PKHD1L1: variants seen among roughly 807,000 people sequenced by gnomAD.
PKHD1L1 encodes fibrocystin-L.
A neutral mutation model predicts 462.9 loss-of-function variants in PKHD1L1; 434 were observed. The ratio of observed to expected loss-of-function variants is 0.94; its 90% CI spans 0.87 to 1.02. The LOEUF (loss-of-function observed/expected upper bound fraction) is 1.02. Among genes scored for constraint, PKHD1L1 ranks in the 50% least tolerant of loss-of-function variants. PKHD1L1 has a pLI of 0.00. For synonymous variants in PKHD1L1, 1,781 were observed against 1,750.0 expected (o/e 1.02, Z -0.44); for missense variants, 5,202 against 5,096.1 (o/e 1.02, Z -0.63).
intron 20 of PKHD1L1, 49 bp downstream of exon 20, chr8:109,412,463 T>C (rs1287151427): frequency 6.7e-7 from 1 of 1,494,418 alleles, no homozygotes; most frequent in East Asian, 2.3e-5. Context: ...AATACCTTGG[T>C]AATAAAATTT....
intron 50 of PKHD1L1, chr8:109,470,805 T>G: frequency 2.0e-6 from 3 of 1,518,060 alleles, no homozygotes; most frequent in Non-Finnish European, 1.8e-6. Context: ...TAAGGAAGGA[T>G]GAACAAGTTG....
chr8:109,415,052 C>T (rs924479774), intron 21 of PKHD1L1, among the ~76,000 whole-genome samples: 1 of 151,344 alleles, frequency 6.6e-6, no homozygotes, highest in African/African-American at 2.4e-5. Context: ...GGCTGGAGTG[C>T]TGTGGGACCA....
At chr8:109,429,042 A>T (rs2130685509) in intron 25 of PKHD1L1, among the ~76,000 whole-genome samples, 1 of 152,250 alleles carries the variant, frequency 6.6e-6, no homozygotes. Context: ...AGTTTAGTAG[A>T]TTCATTTTTA....
At position 109,396,026 on chromosome 8, in the gene PKHD1L1, G is replaced by A; in HGVS notation, c.812-1G>A. The A allele has an allele frequency of 6.3e-7, 1 of 1,584,464 alleles. No individual in the cohort carries two copies. Among genetic ancestry groups the A allele is most frequent in the South Asian group, 1.2e-5 (1 of 86,894 alleles). ...TTTTATTTAATGTGGTTTTCCCCCA[G>A]AGGTCACCATGATTTTCCCTTCACA... On this transcript the variant is annotated splice_acceptor_variant, in intron 10 of 77. Coordinates refer to ENST00000378402, the MANE Select transcript of PKHD1L1 (RefSeq NM_177531.6). LOFTEE classifies it high-confidence loss of function.
chr8:109,433,672 T>C (rs779120628), intron 28 of PKHD1L1, among the ~76,000 whole-genome samples: 2 of 152,180 alleles, frequency 1.3e-5, no homozygotes, highest in Non-Finnish European at 2.9e-5. Flanking sequence ...ATCATTCAAA[T>C]TTTTTTAACA....
intron 58 of PKHD1L1, 130 bp from the exon 59 acceptor site, chr8:109,486,518 T>C (rs1027264955): frequency 1.5e-6 from 1 of 688,804 alleles, no homozygotes; most frequent in Non-Finnish European, 2.4e-6. Flanking sequence ...GTTTAACATG[T>C]AAATGTAATC....
chr8:109,457,322 G>T (rs1327713002), intron 46 of PKHD1L1, among the ~76,000 whole-genome samples: 1 of 152,036 alleles, frequency 6.6e-6, no homozygotes, highest in Non-Finnish European at 1.5e-5. Flanking sequence ...TTCTGCCCTT[G>T]GAAGAAATTT....
intron 29 of PKHD1L1, 107 bp from the exon 30 acceptor site, chr8:109,436,231 A>G: frequency 8.6e-7 from 1 of 1,163,692 alleles, no homozygotes; most frequent in South Asian, 1.5e-5. Context: ...CATCTCTTGG[A>G]TCATTAGACT....
intron 45 of PKHD1L1, 62 bp downstream of exon 45, chr8:109,454,914 ATTATCCTGTGATAATTATAAT>A (rs1816736321): frequency 1.3e-6 from 2 of 1,521,398 alleles, no homozygotes; most frequent in South Asian, 2.5e-5. Context: ...ACCAGGGATA[ATTATCCTGTGATAATTATAAT>A]TTATCCTGTG....
intron 77 of PKHD1L1, among the ~76,000 whole-genome samples, chr8:109,529,402 T>C (rs1351121292): frequency 6.6e-6 from 1 of 152,192 alleles, no homozygotes; most frequent in East Asian, 1.9e-4. Context: ...TATTTTATAA[T>C]AGGATGACAA....
At chr8:109,414,988 TATTATTATTA>T (rs1563751454) in intron 21 of PKHD1L1, among the ~76,000 whole-genome samples, 18 of 147,364 alleles carry the variant, frequency 1.2e-4, no homozygotes, top group Admixed American at 2.0e-4. Context: ...TTATTATTAT[TATTATTATTA>T]TTATTATTAT....
intron 70 of PKHD1L1, among the ~76,000 whole-genome samples, chr8:109,510,569 G>A (rs1819919043): frequency 6.6e-6 from 1 of 152,138 alleles, no homozygotes; most frequent in African/African-American, 2.4e-5. Context: ...GTGATAGGAA[G>A]AAGTTTCTTC....
chr8:109,535,966 AAAACAAAGG>A lies in PKHD1L1; in HGVS notation c.*5877_*5885del, dbSNP rs1821138372. 1.9e-5 allele frequency among the ~76,000 whole-genome samples: 2 copies of A among 103,788 alleles called. No individual in the cohort carries two copies. The highest frequency in any genetic ancestry group is 5.8e-5 in the African/African-American group (2 of 34,424). The allele number at this position is 103,788 out of a possible 152,430, so 68.1% of individuals were successfully genotyped here. ...AGCTGCTCTTTCATCCTATGCCTTT[AAAACAAAGG>A]GAACAAAGAAGGGAACAAAGAAGGT... On this transcript the variant is annotated 3_prime_UTR_variant, in exon 78 of 78. Transcript: ENST00000378402.
At chr8:109,390,602 C>A (rs1812666377) in intron 9 of PKHD1L1, 108 bp downstream of exon 9, 2 of 540,588 alleles carry the variant, frequency 3.7e-6, no homozygotes, top group Non-Finnish European at 6.0e-6. Context: ...AAATTAACTA[C>A]TTTTTTTCCC....
intron 2 of PKHD1L1, 46 bp from the exon 3 acceptor site, chr8:109,381,324 A>C: frequency 6.8e-7 from 1 of 1,477,976 alleles, no homozygotes; most frequent in Non-Finnish European, 9.2e-7. Context: ...TAGGTCTCTG[A>C]AGATAGAATA....
Position 109,498,541 on chromosome 8 carries a change from C to A in PKHD1L1, c.10679C>A (p.Thr3560Asn). Reference protein sequence around the residue: ...LTNDDPNIELTAAHRSPRSPS... With the variant: ...LTNDDPNIELNAAHRSPRSPS... Reference sequence around the variant, plus strand: ...AATGATGATCCTAATATTGAACTCACTGCTGCTCATCGGAGTCCTAGATCT... The same window carrying A: ...AATGATGATCCTAATATTGAACTCAATGCTGCTCATCGGAGTCCTAGATCT... The change falls in exon 66 of 78, where the codon ACT (threonine) becomes AAT (asparagine). Residue 3560 changes from threonine to asparagine, a missense_variant. Physicochemically the swap from Thr to Asn is moderately conservative, Grantham distance 65. Around this residue, in one of 3 missense-constraint regions of PKHD1L1, gnomAD observed 4,497 missense variants for 4,336.8 expected, o/e 1.04. Transcript: ENST00000378402. 6.2e-7 allele frequency: 1 copy of A among 1,613,640 alleles called. No individual in the cohort carries two copies. The highest frequency in any genetic ancestry group is 1.1e-5 in the South Asian group (1 of 91,084).
intron 50 of PKHD1L1, among the ~76,000 whole-genome samples, chr8:109,468,346 T>C (rs1225600919): frequency 6.6e-6 from 1 of 152,186 alleles, no homozygotes; most frequent in Non-Finnish European, 1.5e-5. Context: ...TCTGCATTTA[T>C]GACATAATAG....
At chr8:109,477,864 A>G (rs865834616) in intron 53 of PKHD1L1, among the ~76,000 whole-genome samples, 4 of 152,220 alleles carry the variant, frequency 2.6e-5, no homozygotes, top group African/African-American at 7.2e-5. Context: ...TCTTTCAAAT[A>G]TATTTTAATT....
chr8:109,521,912 A>G (rs1820570973), intron 73 of PKHD1L1, among the ~76,000 whole-genome samples: 1 of 152,190 alleles, frequency 6.6e-6, no homozygotes, highest in African/African-American at 2.4e-5. Context: ...TAAGAGACAT[A>G]TATTCTCCCA....
Sources: allele counts gnomAD v4.1 joint callset (sites outside exome capture counted in the v4.1 genomes callset), GRCh38; gene constraint gnomAD v4.1.1; regional missense constraint gnomAD v4.1.1; transcripts MANE v1.5; gene names NCBI Gene and HGNC (gene_info 2026-07-23, HGNC 2026-07-21).